The following BCLAF1 variants were observed in gnomAD, a reference collection of about 807,000 sequenced individuals.
BCLAF1 encodes BCL2 associated transcription factor 1.
Under a neutral mutation model 99.5 loss-of-function variants are expected in BCLAF1, and 10 were observed. The observed-to-expected ratio is 0.10, with a 90% CI of 0.06 to 0.17. The LOEUF is 0.17. Among genes scored for constraint, BCLAF1 ranks in the 10% least tolerant of loss-of-function variants. The pLI is 1.00. For missense variants in BCLAF1, 636 were observed against 1,105.8 expected (o/e 0.58, Z 6.02); for synonymous variants, 255 against 370.9 (o/e 0.69, Z 3.59).
intron 11 of BCLAF1, among the ~76,000 whole-genome samples, chr6:136,263,807 C>A (rs533578564): frequency 9.2e-5 from 14 of 152,260 alleles, no homozygotes; most frequent in African/African-American, 3.4e-4. Context: ...CACACTCACC[C>A]CTCCATAGAA....
In BCLAF1 at chr6:136,282,841, C is replaced by T. The variant is rs1487355661; in HGVS notation, c.-114-154G>A. 3.3e-5 allele frequency among the ~76,000 whole-genome samples: 5 copies of T among 152,180 alleles called. No homozygotes were observed. In the East Asian group the frequency reaches 5.8e-4, roughly 18 times the overall value. Reference sequence around the variant, plus strand: ...ATTCAGGAAATAGGAAACTTTTAACCGTAAAAGCTTAAAATTCAACTTTTT... The same window carrying T: ...ATTCAGGAAATAGGAAACTTTTAACTGTAAAAGCTTAAAATTCAACTTTTT... On this transcript the variant is annotated intron_variant, in intron 1 of 12. Transcript: ENST00000531224.
rs538186306 is a variant in BCLAF1 at position 136,259,570 on chromosome 6, G to A, written c.*1540C>T. ...GACAATTTTAGAAAGACATGTTAAC[G>A]GGGGAAAATCACACAATACTAAGGA... On this transcript the variant is annotated 3_prime_UTR_variant, in exon 13 of 13. Transcript: ENST00000531224. The A allele has an allele frequency of 9.9e-5, 15 of 152,050 alleles. No homozygotes were observed. Among genetic ancestry groups the A allele is most frequent in the Admixed American group, 3.9e-4 (6 of 15,256 alleles). The allele number at this position is 152,050 out of a possible 1,614,324, so 9.4% of individuals were successfully genotyped here.
At chr6:136,289,527 C>T (rs1785680349) in intron 1 of BCLAF1, among the ~76,000 whole-genome samples, 186 bp downstream of exon 1, 1 of 152,242 alleles carries the variant, frequency 6.6e-6, no homozygotes, top group Non-Finnish European at 1.5e-5. Flanking sequence ...CCCGCCCGGC[C>T]TTTTCGGCCC....
At chr6:136,267,236 A>G in intron 10 of BCLAF1, 61 bp from the exon 11 acceptor site, 1 of 1,541,282 alleles carries the variant, frequency 6.5e-7, no homozygotes, top group East Asian at 2.3e-5. Context: ...TTACATGCAA[A>G]TTCTAATTTT....
intron 8 of BCLAF1, 88 bp downstream of exon 8, chr6:136,271,907 G>C: frequency 3.4e-6 from 3 of 879,374 alleles, no homozygotes; most frequent in Non-Finnish European, 3.6e-6. Flanking sequence ...GATATCTATA[G>C]ACATTTTGCC....
intron 11 of BCLAF1, among the ~76,000 whole-genome samples, chr6:136,265,459 CCT>C (rs1405913431): frequency 2.0e-5 from 3 of 152,240 alleles, no homozygotes; most frequent in South Asian, 4.2e-4. Context: ...AAATCTAGCC[CCT>C]TAGTTCAGAC....
chr6:136,273,259 G>T, intron 6 of BCLAF1, 72 bp from the exon 7 acceptor site: 1 of 1,267,834 alleles, frequency 7.9e-7, no homozygotes. Flanking sequence ...TGACAGAAGG[G>T]CATGTAGCAG....
In BCLAF1 at chr6:136,262,467, T is replaced by C. The variant is rs544897941; in HGVS notation, c.2545-990A>G. ...TAATATGGCATATGAGTATTTTTTT[T>C]CCAAAACATAAGACTGTGCCTTTGG... On this transcript the variant is annotated intron_variant, in intron 11 of 12. Coordinates refer to ENST00000531224, the MANE Select transcript of BCLAF1 (RefSeq NM_014739.3). Among the ~76,000 whole-genome samples the C allele has an allele frequency of 1.8e-4, 28 of 152,296 alleles. 2 individuals carry two copies. The South Asian group carries it at 5.6e-3, about 30-fold the overall frequency.
chr6:136,273,083 T>C lies in BCLAF1; in HGVS notation c.1957A>G (p.Arg653Gly). The C allele has an allele frequency of 6.2e-7, 1 of 1,608,594 alleles. No individual in the cohort carries two copies. The highest frequency in any genetic ancestry group is 8.5e-7 in the Non-Finnish European group (1 of 1,175,936). ...ATGCCAGTTCAGCAGGATACATACC[T>C]GTGTATTTCAGGGCTCTTTTGCCGA... Reference protein sequence around the residue: ...STRQKSPEIHRRIDISPSTLR... With the variant: ...STRQKSPEIHGRIDISPSTLR... Residue 653 changes from arginine to glycine, a missense_variant and splice_region_variant, in exon 7 of 13, where the codon AGG (arginine) becomes GGG (glycine). Arg to Gly is a moderately radical substitution (Grantham distance 125). Coordinates refer to ENST00000531224, the MANE Select transcript of BCLAF1 (RefSeq NM_014739.3).
At chr6:136,281,078 T>C (rs530595032) in intron 2 of BCLAF1, among the ~76,000 whole-genome samples, 1 of 152,202 alleles carries the variant, frequency 6.6e-6, no homozygotes, top group Non-Finnish European at 1.5e-5. Context: ...ATGGTAATAC[T>C]TGGATAGTTC....
intron 1 of BCLAF1, among the ~76,000 whole-genome samples, chr6:136,284,130 G>GTGTATGTGTGTGTATATATATATATATA (rs36141174): frequency 8.2e-6 from 1 of 122,118 alleles, no homozygotes; most frequent in African/African-American, 4.1e-5. Flanking sequence ...GTGTGTGTGT[G>GTGTATGTGTGTGTATATATATATATATA]TATATATATA....
At chr6:136,276,807 A>T (rs1783489914) in intron 4 of BCLAF1, among the ~76,000 whole-genome samples, 1 of 152,170 alleles carries the variant, frequency 6.6e-6, no homozygotes, top group Non-Finnish European at 1.5e-5. Flanking sequence ...ACTTCTAGAG[A>T]TTGCCTAAAT....
At chr6:136,272,773 T>G (rs1469802263) in intron 7 of BCLAF1, among the ~76,000 whole-genome samples, 1 of 151,918 alleles carries the variant, frequency 6.6e-6, no homozygotes, top group East Asian at 1.9e-4. Flanking sequence ...TCACATTTAT[T>G]TCACTAGAAA....
chr6:136,287,330 T>G (rs1421733420), intron 1 of BCLAF1, among the ~76,000 whole-genome samples: 1 of 152,012 alleles, frequency 6.6e-6, no homozygotes, highest in African/African-American at 2.4e-5. Context: ...ATAAATAAAA[T>G]TAAAGTGTTT....
intron 2 of BCLAF1, among the ~76,000 whole-genome samples, chr6:136,282,373 C>T (rs1046149104): frequency 6.6e-6 from 1 of 151,978 alleles, no homozygotes; most frequent in Non-Finnish European, 1.5e-5. Flanking sequence ...ATAGAAAAAG[C>T]AGGAGCACAA....
chr6:136,283,870 A>C (rs1421493468), intron 1 of BCLAF1, among the ~76,000 whole-genome samples: 7 of 152,176 alleles, frequency 4.6e-5, no homozygotes, highest in African/African-American at 1.4e-4. Context: ...CAAAAAGCCA[A>C]GCAAGATTGG....
chr6:136,285,131 A>C (rs1019779770), intron 1 of BCLAF1, among the ~76,000 whole-genome samples: 6 of 152,222 alleles, frequency 3.9e-5, no homozygotes, highest in Non-Finnish European at 8.8e-5. Flanking sequence ...AAAAGGGATC[A>C]GGATTTTACT....
At chr6:136,263,499 G>A (rs999606763) in intron 11 of BCLAF1, among the ~76,000 whole-genome samples, 6 of 152,078 alleles carry the variant, frequency 3.9e-5, no homozygotes, top group East Asian at 1.9e-4. Flanking sequence ...GTTTTATATC[G>A]AAGATTTCAG....
At chr6:136,282,993 A>T (rs1243771061) in intron 1 of BCLAF1, among the ~76,000 whole-genome samples, 1 of 151,960 alleles carries the variant, frequency 6.6e-6, no homozygotes. Flanking sequence ...ATTCCAACGT[A>T]GCTAACATAA....
Sources: allele counts gnomAD v4.1 joint callset (sites outside exome capture counted in the v4.1 genomes callset), GRCh38; gene constraint gnomAD v4.1.1; transcripts MANE v1.5; gene names NCBI Gene and HGNC (gene_info 2026-07-23, HGNC 2026-07-21).